KRCC1: variants seen among roughly 807,000 people sequenced by gnomAD.
The protein encoded by KRCC1 is lysine-rich coiled-coil protein 1.
In KRCC1, 3 loss-of-function variants were observed where a neutral mutation model predicts 7.4. The observed-to-expected ratio is 0.40, with a 90% CI of 0.18 to 1.04. The LOEUF (loss-of-function observed/expected upper bound fraction) is 1.04. Among genes scored for constraint, KRCC1 ranks in the 50% least tolerant of loss-of-function variants. KRCC1 has a pLI of 0.33. For synonymous variants in KRCC1, 102 were observed against 101.6 expected (o/e 1.00, Z -0.02); for missense variants, 277 against 300.9 (o/e 0.92, Z 0.59).
chr2:88,039,864 CTT>C (rs1026207368), intron 1 of KRCC1, among the ~76,000 whole-genome samples: 3 of 152,012 alleles, frequency 2.0e-5, no homozygotes, highest in Admixed American at 2.0e-4. Flanking sequence ...GTGATGGTGA[CTT>C]TTCCATTAAA....
intron 1 of KRCC1, among the ~76,000 whole-genome samples, chr2:88,054,927 C>T (rs1437477074): frequency 6.6e-6 from 1 of 152,188 alleles, no homozygotes; most frequent in Non-Finnish European, 1.5e-5. Flanking sequence ...TATGATCGCG[C>T]CACTGCACTC....
At chr2:88,048,350 G>C (rs1229661471) in intron 1 of KRCC1, among the ~76,000 whole-genome samples, 1 of 152,124 alleles carries the variant, frequency 6.6e-6, no homozygotes, top group East Asian at 1.9e-4. Flanking sequence ...CCAAAGTGCT[G>C]GGATTACAGG....
intron 1 of KRCC1, among the ~76,000 whole-genome samples, chr2:88,047,701 T>C (rs1233759914): frequency 1.3e-5 from 2 of 152,034 alleles, no homozygotes; most frequent in Admixed American, 6.6e-5. Context: ...GCTAATTGTT[T>C]GTATTTTTAG....
At chr2:88,053,656 G>C (rs1673547965) in intron 1 of KRCC1, among the ~76,000 whole-genome samples, 1 of 152,152 alleles carries the variant, frequency 6.6e-6, no homozygotes, top group Non-Finnish European at 1.5e-5. Flanking sequence ...CCCATTTTTA[G>C]TGAACAGAAA....
intron 3 of KRCC1, among the ~76,000 whole-genome samples, 153 bp downstream of exon 3, chr2:88,033,981 T>C (rs1673045127): frequency 6.6e-6 from 1 of 152,174 alleles, no homozygotes; most frequent in South Asian, 2.1e-4. Context: ...GGTATATTCA[T>C]ATAATATTAT....
rs772137236 is a variant in KRCC1, at chr2:88,046,369, C to G, written c.-291+9257G>C. Among the ~76,000 whole-genome samples the G allele has an allele frequency of 2.0e-5, 3 of 152,174 alleles. No homozygotes were observed. The East Asian group carries it at 5.8e-4, about 29-fold the overall frequency. ...GTTGTGGTCCTTATAGAAATTAATACATGCAAAGCACTTAGAAGAATGCAT... is the reference window on the plus strand; with the variant it reads ...GTTGTGGTCCTTATAGAAATTAATAGATGCAAAGCACTTAGAAGAATGCAT... On this transcript the variant is annotated intron_variant, in intron 1 of 3. Coordinates refer to ENST00000347055, the MANE Select transcript of KRCC1 (RefSeq NM_016618.3).
chr2:88,028,293 C>T lies in KRCC1; in HGVS notation c.271G>A (p.Ala91Thr). ...VENRLPQWLP[A>T]HDSRLRLDSL... ...TCTAGTCTCAATCTGCTGTCATGGGCTGGTAACCACTGAGGCAACCGATTT... is the reference window on the plus strand; with the variant it reads ...TCTAGTCTCAATCTGCTGTCATGGGTTGGTAACCACTGAGGCAACCGATTT... The change falls in exon 4 of 4, where the codon GCC (alanine) becomes ACC (threonine). Residue 91 changes from alanine (A) to threonine (T), a missense_variant. Ala to Thr is a moderately conservative substitution (Grantham distance 58). Transcript: ENST00000347055. 1 of 1,614,186 alleles carries T rather than the reference C, an allele frequency of 6.2e-7. No individual in the cohort carries two copies.
chr2:88,038,613 A>C (rs1233901335), intron 1 of KRCC1, among the ~76,000 whole-genome samples: 2 of 152,242 alleles, frequency 1.3e-5, no homozygotes, highest in African/African-American at 4.8e-5. Context: ...GACATAACAA[A>C]GACTGGGTAA....
chr2:88,053,377 T>C (rs1414012995), intron 1 of KRCC1, among the ~76,000 whole-genome samples: 1 of 146,198 alleles, frequency 6.8e-6, no homozygotes, highest in Non-Finnish European at 1.6e-5. Flanking sequence ...TTAAAGTCAT[T>C]GCAAAATCAA....
chr2:88,048,151 C>G (rs932364474), intron 1 of KRCC1, among the ~76,000 whole-genome samples: 5 of 149,268 alleles, frequency 3.3e-5, no homozygotes, highest in Non-Finnish European at 7.4e-5. Context: ...GGTGGGATCT[C>G]GGCTCACAGC....
intron 1 of KRCC1, among the ~76,000 whole-genome samples, chr2:88,054,305 C>CA (rs1447466278): frequency 9.9e-5 from 15 of 152,252 alleles, no homozygotes; most frequent in Admixed American, 9.2e-4. Context: ...GCCAGGCTGT[C>CA]AAAAAAATTT....
chr2:88,052,979 G>C (rs1039837324), intron 1 of KRCC1, among the ~76,000 whole-genome samples: 1 of 152,016 alleles, frequency 6.6e-6, no homozygotes, highest in African/African-American at 2.4e-5. Context: ...GTGATTTTGA[G>C]GATTTTAGAC....
chr2:88,034,962 TAATA>T (rs1673064583), intron 2 of KRCC1, among the ~76,000 whole-genome samples: 1 of 152,202 alleles, frequency 6.6e-6, no homozygotes, highest in Non-Finnish European at 1.5e-5. Flanking sequence ...TACCCTGGAA[TAATA>T]AATAAGTTTT....
At chr2:88,047,882 AT>A (rs1399946163) in intron 1 of KRCC1, among the ~76,000 whole-genome samples, 1 of 152,134 alleles carries the variant, frequency 6.6e-6, no homozygotes. Flanking sequence ...TGAGGAAAAA[AT>A]TTTATGAGCA....
chr2:88,028,782 C>G (rs1672937008), intron 3 of KRCC1, among the ~76,000 whole-genome samples, 197 bp from the exon 4 acceptor site: 2 of 151,330 alleles, frequency 1.3e-5, no homozygotes, highest in African/African-American at 4.9e-5. Flanking sequence ...TCCCGAGTAG[C>G]TGGGATTACA....
At chr2:88,028,949 C>A (rs1672939931) in intron 3 of KRCC1, among the ~76,000 whole-genome samples, 1 of 152,182 alleles carries the variant, frequency 6.6e-6, no homozygotes, top group Non-Finnish European at 1.5e-5. Context: ...CTGCACCTGG[C>A]CTCCTTTGCT....
chr2:88,053,308 T>C (rs912771664), intron 1 of KRCC1, among the ~76,000 whole-genome samples: 1 of 152,236 alleles, frequency 6.6e-6, no homozygotes, highest in South Asian at 2.1e-4. Flanking sequence ...TGAAGTGGAA[T>C]AGAAAGGTTA....
chr2:88,041,938 AG>A (rs1673219323), intron 1 of KRCC1, among the ~76,000 whole-genome samples: 1 of 151,458 alleles, frequency 6.6e-6, no homozygotes, highest in South Asian at 2.1e-4. Context: ...AAAATCCTGG[AG>A]GTAGCATCTC....
At chr2:88,043,991 A>G (rs1673273685) in intron 1 of KRCC1, among the ~76,000 whole-genome samples, 1 of 152,100 alleles carries the variant, frequency 6.6e-6, no homozygotes, top group African/African-American at 2.4e-5. Context: ...TACTAATTTT[A>G]TCCTCATAAG....
Sources: allele counts gnomAD v4.1 joint callset (sites outside exome capture counted in the v4.1 genomes callset), GRCh38; gene constraint gnomAD v4.1.1; transcripts MANE v1.5; gene names NCBI Gene and HGNC (gene_info 2026-07-23, HGNC 2026-07-21).